Variants in CEP112 observed in about 807,000 individuals in gnomAD.
CEP112 encodes centrosomal protein of 112 kDa.
A neutral mutation model predicts 153.0 loss-of-function variants in CEP112; 127 were observed. The ratio of observed to expected loss-of-function variants is 0.83; its 90% CI spans 0.72 to 0.96. The LOEUF (loss-of-function observed/expected upper bound fraction) is 0.96, where lower values mean the gene tolerates loss of function less well. CEP112 is among the 40% of genes least tolerant of loss of function. The pLI, the probability that CEP112 is intolerant of heterozygous loss-of-function variation, is 0.00. For missense variants in CEP112, 1,089 were observed against 1,101.2 expected (o/e 0.99, Z 0.16); for synonymous variants, 358 against 374.4 (o/e 0.96, Z 0.51).
chr17:65,671,933 G>T (rs940271947), intron 24 of CEP112, among the ~76,000 whole-genome samples: 2 of 152,140 alleles, frequency 1.3e-5, no homozygotes, highest in African/African-American at 4.8e-5. Context: ...ATATGGAACT[G>T]GAGGCCTCAC....
At position 66,053,784 on chromosome 17, in the gene CEP112, C is replaced by T. The variant is rs779745046; in HGVS notation, c.1170G>A (p.Val390=). The T allele has an allele frequency of 6.2e-7, 1 of 1,613,706 alleles. No homozygotes were observed. The highest frequency in any genetic ancestry group is 1.3e-5 in the African/African-American group (1 of 75,036). ...ATTCACTCTCCATTTTATTCAGACG[C>T]ACATTTGTATCCTCAAGCAATTCTT... The part of the protein sequence containing the change: ...NIQELLEDTN[V]RLNKMESEYM... Residue 390 remains valine, a synonymous_variant, in exon 12 of 27, where the codon GTG becomes GTA. Coordinates refer to ENST00000535342, the MANE Select transcript of CEP112 (RefSeq NM_001199165.4).
At chr17:66,096,420 CA>C in intron 7 of CEP112, 92 bp from the exon 8 acceptor site, 1 of 1,243,360 alleles carries the variant, frequency 8.0e-7, no homozygotes, top group Non-Finnish European at 1.2e-6. Flanking sequence ...AGGCCCGTAC[CA>C]AAATAGTACT....
At chr17:65,805,728 CTT>C (rs1342754477) in intron 21 of CEP112, among the ~76,000 whole-genome samples, 1 of 152,170 alleles carries the variant, frequency 6.6e-6, no homozygotes, top group Admixed American at 6.5e-5. Flanking sequence ...GAAACAATCT[CTT>C]TAAAACTCTT....
chr17:66,072,384 G>C (rs2067336528), intron 8 of CEP112, among the ~76,000 whole-genome samples: 1 of 152,186 alleles, frequency 6.6e-6, no homozygotes, highest in East Asian at 1.9e-4. Context: ...CATAATCCAG[G>C]ATCCAACCAA....
chr17:65,937,543 AGCCGCCCC>A (rs2061365443), intron 18 of CEP112, among the ~76,000 whole-genome samples: 1 of 117,972 alleles, frequency 8.5e-6, no homozygotes, highest in Non-Finnish European at 1.8e-5. Flanking sequence ...CTGCCCGGCC[AGCCGCCCC>A]GTCCGGGAGG....
At chr17:66,093,413 T>TC (rs1011860760) in intron 8 of CEP112, among the ~76,000 whole-genome samples, 1 of 151,762 alleles carries the variant, frequency 6.6e-6, no homozygotes, top group African/African-American at 2.4e-5. Flanking sequence ...GACGATATGA[T>TC]CTTATATGTA....
chr17:66,129,928 G>T, intron 5 of CEP112, 105 bp from the exon 6 acceptor site: 2 of 578,292 alleles, frequency 3.5e-6, no homozygotes, highest in Non-Finnish European at 5.8e-6. Context: ...GAGATAAAGG[G>T]AAATAAAGAG....
rs1452832962 is a variant in CEP112 at position 65,693,879 on chromosome 17, C to T, written c.2608-4661G>A. On this transcript the variant is annotated intron_variant, in intron 23 of 26. Transcript: ENST00000535342. The stretch of plus-strand genomic sequence containing the variant: ...TAAAAGCTCTGAGTGAGGTCCCTGG[C>T]CCCTTCCACCATGGGAGGACACAGT... Among the ~76,000 whole-genome samples the T allele has an allele frequency of 2.6e-5, 4 of 152,082 alleles. No individual in the cohort carries two copies. In the East Asian group the frequency reaches 7.7e-4, roughly 29 times the overall value.
rs866226829 is a variant in CEP112 at position 65,839,483 on chromosome 17, C to A, written c.2394+12321G>T. 1.4e-4 allele frequency among the ~76,000 whole-genome samples: 19 copies of A among 136,292 alleles called. No homozygotes were observed. The South Asian group carries it at 4.1e-3, about 29-fold the overall frequency. The allele number at this position is 136,292 out of a possible 152,430, so 89.4% of individuals were successfully genotyped here. A position where few individuals can be genotyped will look rare whatever the true frequency, so the allele number is the denominator to read the frequency against. ...TCCCTTTATGATTAAAAAAAAAAAA[C>A]CTCTCAATAAACCGTGTATAGTAGA... On this transcript the variant is annotated intron_variant, in intron 21 of 26. Transcript: ENST00000535342.
chr17:66,120,591 G>C (rs1438212080), intron 6 of CEP112, among the ~76,000 whole-genome samples: 1 of 152,192 alleles, frequency 6.6e-6, no homozygotes, highest in Non-Finnish European at 1.5e-5. Flanking sequence ...ATTTTTGGTA[G>C]TTTGTGTTGC....
At chr17:65,777,859 C>T (rs1027496707) in intron 21 of CEP112, among the ~76,000 whole-genome samples, 1 of 152,132 alleles carries the variant, frequency 6.6e-6, no homozygotes, top group Admixed American at 6.5e-5. Flanking sequence ...TGGCACTGTA[C>T]CTATGACACA....
chr17:66,023,537 A>AT (rs1262403665), intron 16 of CEP112, among the ~76,000 whole-genome samples: 4 of 152,212 alleles, frequency 2.6e-5, no homozygotes, highest in Admixed American at 2.6e-4. Context: ...ATTTGTCACT[A>AT]TTAGGCTGGT....
chr17:65,870,472 T>G (rs1045329833), intron 20 of CEP112, among the ~76,000 whole-genome samples: 1 of 152,196 alleles, frequency 6.6e-6, no homozygotes, highest in African/African-American at 2.4e-5. Context: ...GTAGAAGCAT[T>G]TATTATATAA....
At chr17:65,718,204 G>A (rs1402774927) in intron 23 of CEP112, among the ~76,000 whole-genome samples, 2 of 151,978 alleles carry the variant, frequency 1.3e-5, no homozygotes, top group Non-Finnish European at 2.9e-5. Context: ...TCAGGAGTTC[G>A]AGACCAGGCT....
At chr17:65,902,621 A>G (rs2143580097) in intron 19 of CEP112, among the ~76,000 whole-genome samples, 1 of 151,840 alleles carries the variant, frequency 6.6e-6, no homozygotes, top group South Asian at 2.1e-4. Flanking sequence ...CCTCCCCAAG[A>G]ATTCGGGTAT....
chr17:66,068,949 A>G (rs1185899950), intron 9 of CEP112, among the ~76,000 whole-genome samples: 1 of 152,050 alleles, frequency 6.6e-6, no homozygotes, highest in Non-Finnish European at 1.5e-5. Flanking sequence ...AAGAGCAAAA[A>G]AAATTTGCCT....
intron 16 of CEP112, among the ~76,000 whole-genome samples, chr17:66,019,140 G>A (rs959560749): frequency 2.0e-5 from 3 of 152,188 alleles, no homozygotes; most frequent in African/African-American, 7.2e-5. Context: ...AGCATCTGAT[G>A]CTGTTTCTTT....
intron 21 of CEP112, among the ~76,000 whole-genome samples, chr17:65,775,969 C>T (rs987838035): frequency 3.9e-5 from 6 of 152,330 alleles, no homozygotes; most frequent in African/African-American, 1.4e-4. Context: ...CTTTGGTGAA[C>T]ACACTTTCGT....
intron 21 of CEP112, among the ~76,000 whole-genome samples, chr17:65,807,980 C>T (rs1324597002): frequency 6.6e-6 from 1 of 152,228 alleles, no homozygotes; most frequent in Non-Finnish European, 1.5e-5. Flanking sequence ...ACAACTTTCA[C>T]CTTGCATCTG....
Sources: gnomAD v4.1 joint callset for allele counts (sites outside exome capture counted in the v4.1 genomes callset) on GRCh38, gnomAD v4.1.1 for gene constraint, MANE v1.5 for transcripts, NCBI Gene and HGNC (gene_info 2026-07-23, HGNC 2026-07-21) for gene names.